Variants in KAZN observed in about 807,000 individuals in gnomAD.
KAZN encodes the protein kazrin.
Under a neutral mutation model 87.4 loss-of-function variants are expected in KAZN, and 40 were observed. That is an observed-to-expected ratio of 0.46 (90% CI 0.36 to 0.60). KAZN has a LOEUF of 0.60. KAZN is among the 20% of genes least tolerant of loss of function. The pLI is 0.00. For synonymous variants in KAZN, 466 were observed against 458.3 expected (o/e 1.02, Z -0.22); for missense variants, 898 against 1,073.9 (o/e 0.84, Z 2.29).
chr1:14,462,325 T>C (rs541753409), intron 2 of KAZN, among the ~76,000 whole-genome samples: 3 of 152,154 alleles, frequency 2.0e-5, no homozygotes, highest in African/African-American at 7.2e-5. Flanking sequence ...CATACAAACC[T>C]GGGTCCTGGA....
intron 2 of KAZN, among the ~76,000 whole-genome samples, chr1:14,347,525 T>A (rs1392183437): frequency 6.6e-6 from 1 of 152,212 alleles, no homozygotes; most frequent in East Asian, 1.9e-4. Context: ...CTTTAAACCA[T>A]CTTGGTATCC....
intron 2 of KAZN, among the ~76,000 whole-genome samples, chr1:14,479,449 G>T (rs766629334): frequency 6.6e-5 from 10 of 152,226 alleles, no homozygotes; most frequent in African/African-American, 2.4e-4. Context: ...GCCTGCCCCA[G>T]CTTCTGTTGC....
intron 2 of KAZN, among the ~76,000 whole-genome samples, chr1:14,541,092 A>G (rs1672783483): frequency 6.6e-6 from 1 of 152,196 alleles, no homozygotes; most frequent in South Asian, 2.1e-4. Flanking sequence ...TAAGCTAATT[A>G]TCTTTTTCAA....
chr1:14,722,104 A>C (rs1643139825), intron 1 of KAZN, among the ~76,000 whole-genome samples: 1 of 151,990 alleles, frequency 6.6e-6, no homozygotes. Flanking sequence ...GTGAGCTGAG[A>C]CTGCACCACT....
chr1:14,661,126 A>G (rs962752838), intron 1 of KAZN, among the ~76,000 whole-genome samples: 1 of 152,112 alleles, frequency 6.6e-6, no homozygotes, highest in Admixed American at 6.6e-5. Context: ...TGTGAGGGAG[A>G]TGGTGCTCTT....
At chr1:14,929,686 C>T in intron 1 of KAZN, 1 of 819,510 alleles carries the variant, frequency 1.2e-6, no homozygotes, top group Non-Finnish European at 1.5e-6. Flanking sequence ...GGGCTGTAAA[C>T]ACTCCAGAGA....
intron 3 of KAZN, 51 bp downstream of exon 3, chr1:15,034,936 C>T (rs1557737699): frequency 6.2e-7 from 1 of 1,603,954 alleles, no homozygotes; most frequent in Non-Finnish European, 8.5e-7. Flanking sequence ...CAGCTCCCAC[C>T]TCCCCTGCTG....
rs539363855 is a variant in KAZN, at chr1:13,926,256, A to C, written c.91+32500A>C. Among the ~76,000 whole-genome samples, 4 of 152,166 alleles carry C rather than the reference A, an allele frequency of 2.6e-5. No individual in the cohort carries two copies. The East Asian group carries it at 7.8e-4, about 30-fold the overall frequency. On this transcript the variant is annotated intron_variant, in intron 1 of 16. Coordinates refer to the KAZN transcript ENST00000636203. ...TACCCAGAGTGGGCAGGACTAGGAC[A>C]CACCAGGCTGGCTGTCTGCCCTGGC...
intron 2 of KAZN, among the ~76,000 whole-genome samples, chr1:14,414,641 T>C (rs1166446530): frequency 6.6e-6 from 1 of 152,140 alleles, no homozygotes; most frequent in Admixed American, 6.6e-5. Context: ...TGTGTGTGTG[T>C]GTTATACGTA....
intron 4 of KAZN, among the ~76,000 whole-genome samples, chr1:15,045,680 G>C (rs1461434127): frequency 6.6e-6 from 1 of 152,220 alleles, no homozygotes; most frequent in African/African-American, 2.4e-5. Context: ...TTGACTCACA[G>C]TTCCGAATGG....
At chr1:14,595,992 C>G (rs1366525767), upstream of KAZN, among the ~76,000 whole-genome samples, 1 of 152,102 alleles carries the variant, frequency 6.6e-6, no homozygotes, top group Non-Finnish European at 1.5e-5. Flanking sequence ...CTTTTCTTTT[C>G]TCCTTATTAG....
chr1:14,526,350 T>C (rs1671864777), intron 2 of KAZN, among the ~76,000 whole-genome samples: 1 of 152,212 alleles, frequency 6.6e-6, no homozygotes, highest in South Asian at 2.1e-4. Flanking sequence ...TTTGGGCCTC[T>C]TTGTTGCCCA....
chr1:14,222,314 G>A (rs570982717), intron 2 of KAZN, among the ~76,000 whole-genome samples: 6 of 152,246 alleles, frequency 3.9e-5, no homozygotes, highest in African/African-American at 1.4e-4. Flanking sequence ...TGGGCCAGAG[G>A]CTTAGTGATT....
At chr1:14,096,233 G>A (rs1644124160) in intron 1 of KAZN, among the ~76,000 whole-genome samples, 1 of 152,138 alleles carries the variant, frequency 6.6e-6, no homozygotes, top group Non-Finnish European at 1.5e-5. Flanking sequence ...CATAGAAACA[G>A]TCCCATAAAA....
In KAZN at chr1:14,523,991, CGTTTTGTTTTGTTTT is replaced by C. The variant is rs57675147; in HGVS notation, c.250-74961_250-74947del. 2.9e-3 allele frequency among the ~76,000 whole-genome samples: 431 copies of C among 149,024 alleles called. 1 individual carries two copies. Among genetic ancestry groups the C allele is most frequent in the African/African-American group, 4.1e-3 (164 of 40,270 alleles). On this transcript the variant is annotated intron_variant, in intron 2 of 16. Transcript: ENST00000636203. Reference sequence around the variant, plus strand: ...CCACGTGGCTTAAAGGCGTGTCACTCGTTTTGTTTTGTTTTGTTTTGTTTTGTTTTGTTTTGTTTT... The same window carrying C: ...CCACGTGGCTTAAAGGCGTGTCACTCGTTTTGTTTTGTTTTGTTTTGTTTT...
chr1:14,035,026 A>G (rs538351502), intron 1 of KAZN, among the ~76,000 whole-genome samples: 7 of 152,312 alleles, frequency 4.6e-5, no homozygotes, highest in East Asian at 1.9e-4. Context: ...GGTGACAAAA[A>G]GGCAGCATTC....
intron 2 of KAZN, among the ~76,000 whole-genome samples, chr1:15,008,948 G>T (rs79464380): frequency 0.023 from 3,553 of 152,300 alleles, 139 homozygotes; most frequent in African/African-American, 0.08. Flanking sequence ...GGACAATCAG[G>T]CAGGAAATTC....
intron 11 of KAZN, 91 bp from the exon 12 acceptor site, chr1:15,103,268 G>T: frequency 1.1e-6 from 1 of 896,418 alleles, no homozygotes; most frequent in Non-Finnish European, 1.8e-6. Context: ...CTCTGTCTCG[G>T]GGGGAAAAAG....
rs114376500 is a variant in KAZN, at chr1:14,169,974, G to A, written c.92-10461G>A. On this transcript the variant is annotated intron_variant, in intron 1 of 16. Coordinates refer to the KAZN transcript ENST00000636203. ...CCTCAGCCACATCTCTTAAAGAGGC[G>A]CACTCTCTTCCACAGGCTGTGGCAG... 5.2e-3 allele frequency among the ~76,000 whole-genome samples: 786 copies of A among 152,228 alleles called. 7 individuals carry two copies. The highest frequency in any genetic ancestry group is 0.017 in the African/African-American group (722 of 41,546).
Sources: gnomAD v4.1 joint callset for allele counts (sites outside exome capture counted in the v4.1 genomes callset) on GRCh38, gnomAD v4.1.1 for gene constraint, MANE v1.5 for transcripts, NCBI Gene and HGNC (gene_info 2026-07-23, HGNC 2026-07-21) for gene names.